Variants in SLC35F1 observed in about 807,000 individuals in gnomAD.
SLC35F1 encodes the protein chromosome 6 open reading frame 169.
A neutral mutation model predicts 48.7 loss-of-function variants in SLC35F1; 14 were observed. The ratio of observed to expected loss-of-function variants is 0.29; its 90% CI spans 0.19 to 0.45. The LOEUF (loss-of-function observed/expected upper bound fraction) is 0.45, where lower values mean the gene tolerates loss of function less well. Among genes scored for constraint, SLC35F1 ranks in the 20% least tolerant of loss-of-function variants. SLC35F1 has a pLI of 1.00. For synonymous variants in SLC35F1, 190 were observed against 202.2 expected, an observed-to-expected ratio of 0.94 and a Z score of 0.51; for missense variants, 404 against 500.0, an observed-to-expected ratio of 0.81 and a Z score of 1.83.
chr6:118,028,366 A>C (rs1350670458), intron 1 of SLC35F1, among the ~76,000 whole-genome samples: 1 of 152,142 alleles, frequency 6.6e-6, no homozygotes, highest in African/African-American at 2.4e-5. Flanking sequence ...AGTAAGATCA[A>C]TGAAAATGAG....
At chr6:118,065,606 A>G (rs1772603385) in intron 1 of SLC35F1, among the ~76,000 whole-genome samples, 1 of 152,216 alleles carries the variant, frequency 6.6e-6, no homozygotes, top group Non-Finnish European at 1.5e-5. Context: ...AACCTGTAAA[A>G]ATAAAGGTAC....
intron 2 of SLC35F1, among the ~76,000 whole-genome samples, chr6:118,160,066 C>G (rs951586349): frequency 1.3e-5 from 2 of 152,172 alleles, no homozygotes; most frequent in East Asian, 3.9e-4. Context: ...AAAAAGAAAA[C>G]ACTTTTAGCC....
intron 1 of SLC35F1, among the ~76,000 whole-genome samples, chr6:118,120,406 A>G (rs2114400542): frequency 6.6e-6 from 1 of 152,344 alleles, no homozygotes; most frequent in Admixed American, 6.5e-5. Context: ...TTAGAAATAC[A>G]TGTTGATGCA....
At chr6:118,005,528 C>T (rs1295809603) in intron 1 of SLC35F1, among the ~76,000 whole-genome samples, 1 of 152,038 alleles carries the variant, frequency 6.6e-6, no homozygotes, top group African/African-American at 2.4e-5. Flanking sequence ...CAATTTTAGT[C>T]TCATCTTCTC....
intron 2 of SLC35F1, among the ~76,000 whole-genome samples, chr6:118,192,149 A>G (rs1389205243): frequency 1.3e-5 from 2 of 152,200 alleles, no homozygotes; most frequent in Non-Finnish European, 2.9e-5. Context: ...ATGAGTTACC[A>G]TAGGTAATTT....
At chr6:117,923,709 A>ACATATGTACATATATGTATATATG (rs1491578673) in intron 1 of SLC35F1, among the ~76,000 whole-genome samples, 2 of 70,718 alleles carry the variant, frequency 2.8e-5, no homozygotes, top group Non-Finnish European at 3.0e-5. Context: ...ACATATATGT[A>ACATATGTACATATATGTATATATG]CATATATACA....
intron 7 of SLC35F1, among the ~76,000 whole-genome samples, chr6:118,291,917 A>G (rs1039805611): frequency 6.6e-6 from 1 of 152,158 alleles, no homozygotes; most frequent in African/African-American, 2.4e-5. Flanking sequence ...CAGGAGTTCA[A>G]GACCAGCCTG....
intron 1 of SLC35F1, among the ~76,000 whole-genome samples, chr6:117,941,259 G>C (rs1776229532): frequency 6.6e-6 from 1 of 152,166 alleles, no homozygotes; most frequent in South Asian, 2.1e-4. Context: ...CCTGTATTTA[G>C]AATCAATTAT....
chr6:117,995,628 C>A (rs1001127860), intron 1 of SLC35F1, among the ~76,000 whole-genome samples: 4 of 152,132 alleles, frequency 2.6e-5, no homozygotes, highest in African/African-American at 9.7e-5. Flanking sequence ...GTAATCCCAG[C>A]TGCTCGAGAG....
chr6:118,183,755 G>A (rs993791268), intron 2 of SLC35F1, among the ~76,000 whole-genome samples: 39 of 152,180 alleles, frequency 2.6e-4, no homozygotes, highest in African/African-American at 9.2e-4. Flanking sequence ...TTAGGCCTAA[G>A]GTCTACAACA....
At chr6:117,967,015 TC>T (rs1026035299) in intron 1 of SLC35F1, among the ~76,000 whole-genome samples, 1 of 152,198 alleles carries the variant, frequency 6.6e-6, no homozygotes, top group African/African-American at 2.4e-5. Context: ...TGGGGCCTTT[TC>T]CTCCAATTCT....
At chr6:118,278,097 A>C (rs1251402848) in intron 6 of SLC35F1, among the ~76,000 whole-genome samples, 3 of 152,242 alleles carry the variant, frequency 2.0e-5, no homozygotes, top group African/African-American at 7.2e-5. Flanking sequence ...GTTAATAGTC[A>C]TCCAGGACTT....
intron 1 of SLC35F1, among the ~76,000 whole-genome samples, chr6:117,965,845 C>T (rs1215701830): frequency 2.0e-5 from 3 of 152,036 alleles, no homozygotes; most frequent in African/African-American, 7.3e-5. Context: ...CTGTGTCTAG[C>T]TAAAGGTTTG....
At chr6:118,187,044 C>A (rs1221919138) in intron 2 of SLC35F1, among the ~76,000 whole-genome samples, 1 of 152,216 alleles carries the variant, frequency 6.6e-6, no homozygotes, top group Non-Finnish European at 1.5e-5. Context: ...TTCTATCTCT[C>A]TGGACCTTTA....
At chr6:118,178,495 T>C (rs1471182198) in intron 2 of SLC35F1, among the ~76,000 whole-genome samples, 1 of 152,186 alleles carries the variant, frequency 6.6e-6, no homozygotes, top group African/African-American at 2.4e-5. Flanking sequence ...ATCTTTCTAA[T>C]GATGCTTTTT....
chr6:117,999,473 A>G (rs201143029), intron 1 of SLC35F1: 9 of 1,542,894 alleles, frequency 5.8e-6, no homozygotes, highest in East Asian at 2.2e-5. Context: ...ATGAGGACAG[A>G]AGGACTGGTG....
chr6:118,227,688 A>G (rs1775236378), intron 2 of SLC35F1, among the ~76,000 whole-genome samples: 1 of 152,216 alleles, frequency 6.6e-6, no homozygotes. Flanking sequence ...AATTTGTCTC[A>G]ATCACTATGC....
At chr6:118,311,957 G>C (rs921437094) in intron 7 of SLC35F1, among the ~76,000 whole-genome samples, 3 of 152,174 alleles carry the variant, frequency 2.0e-5, no homozygotes, top group African/African-American at 4.8e-5. Context: ...AACTATAAGT[G>C]TTCTACATGC....
intron 2 of SLC35F1, among the ~76,000 whole-genome samples, chr6:118,204,170 C>G (rs942148540): frequency 1.3e-5 from 2 of 151,256 alleles, no homozygotes; most frequent in African/African-American, 4.9e-5. Context: ...TGGGGACAGC[C>G]AGGGAGCCCA....
Sources: allele counts gnomAD v4.1 joint callset (sites outside exome capture counted in the v4.1 genomes callset), GRCh38; gene constraint gnomAD v4.1.1; transcripts MANE v1.5; gene names NCBI Gene and HGNC (gene_info 2026-07-23, HGNC 2026-07-21).